RORB: variants seen among roughly 807,000 people sequenced by gnomAD.
RORB encodes nuclear receptor ROR-beta.
In RORB, 6 loss-of-function variants were observed where a neutral mutation model predicts 59.1. That is an observed-to-expected ratio of 0.10 (90% CI 0.06 to 0.20). The LOEUF (loss-of-function observed/expected upper bound fraction) is 0.20, where lower values mean the gene tolerates loss of function less well. Ranked by LOEUF, RORB falls within the 10% of genes least tolerant of loss-of-function variation. RORB has a pLI of 1.00. For missense variants in RORB, 320 were observed against 560.5 expected (o/e 0.57, Z 4.33); for synonymous variants, 215 against 204.5 (o/e 1.05, Z -0.44).
chr9:74,637,276 T>C (rs897035578), intron 3 of RORB, among the ~76,000 whole-genome samples: 2 of 152,220 alleles, frequency 1.3e-5, no homozygotes, highest in African/African-American at 4.8e-5. Context: ...TCATCATACC[T>C]GGCTGCTTAA....
At chr9:74,602,417 T>G (rs1404195366) in intron 1 of RORB, among the ~76,000 whole-genome samples, 1 of 152,228 alleles carries the variant, frequency 6.6e-6, no homozygotes, top group Non-Finnish European at 1.5e-5. Flanking sequence ...TGTTTGGTAC[T>G]AAATGAAAAG....
intron 1 of RORB, among the ~76,000 whole-genome samples, chr9:74,536,804 C>G (rs960880524): frequency 9.2e-5 from 14 of 151,914 alleles, no homozygotes; most frequent in Non-Finnish European, 1.5e-4. Context: ...GCAATAAAGA[C>G]AGTAGTTTGA....
At chr9:74,581,901 G>T (rs936870204) in intron 1 of RORB, among the ~76,000 whole-genome samples, 1 of 152,144 alleles carries the variant, frequency 6.6e-6, no homozygotes, top group Admixed American at 6.5e-5. Flanking sequence ...CTTTATACAT[G>T]TGTAGATGAT....
chr9:74,658,685 G>A (rs978022535), intron 4 of RORB, among the ~76,000 whole-genome samples: 2 of 151,974 alleles, frequency 1.3e-5, no homozygotes, highest in Non-Finnish European at 2.9e-5. Context: ...ATACCTACTG[G>A]AAAGCAAATA....
At chr9:74,603,934 G>A (rs140479786) in intron 1 of RORB, among the ~76,000 whole-genome samples, 3 of 152,298 alleles carry the variant, frequency 2.0e-5, no homozygotes, top group Non-Finnish European at 4.4e-5. Context: ...GAGTGCCATC[G>A]TCCTAACTAT....
At chr9:74,611,771 C>T (rs1587384574) in intron 1 of RORB, among the ~76,000 whole-genome samples, 3 of 152,184 alleles carry the variant, frequency 2.0e-5, no homozygotes, top group Admixed American at 6.5e-5. Context: ...CCTGAGCCTC[C>T]TGAGGAGCTG....
chr9:74,613,780 A>G (rs926318024), intron 1 of RORB, among the ~76,000 whole-genome samples: 2 of 152,166 alleles, frequency 1.3e-5, no homozygotes, highest in Non-Finnish European at 1.5e-5. Flanking sequence ...GCCAGGGAAA[A>G]GTGGAGATGT....
intron 9 of RORB, among the ~76,000 whole-genome samples, chr9:74,684,865 T>C (rs1003524550): frequency 6.6e-6 from 1 of 152,146 alleles, no homozygotes; most frequent in Non-Finnish European, 1.5e-5. Flanking sequence ...CTCATACAGT[T>C]TGGTTGTATA....
chr9:74,568,034 C>T (rs1587362835), intron 1 of RORB, among the ~76,000 whole-genome samples: 1 of 152,142 alleles, frequency 6.6e-6, no homozygotes, highest in Non-Finnish European at 1.5e-5. Context: ...ACAAATTATC[C>T]TGGTTAATAA....
At chr9:74,528,922 T>C (rs1309634246) in intron 1 of RORB, among the ~76,000 whole-genome samples, 1 of 152,040 alleles carries the variant, frequency 6.6e-6, no homozygotes, top group Non-Finnish European at 1.5e-5. Flanking sequence ...TAAGCTTGTG[T>C]ACTCACTCAG....
In RORB at chr9:74,615,593, C is replaced by T. The variant is rs181910446; in HGVS notation, c.8-14689C>T. On this transcript the variant is annotated intron_variant, in intron 1 of 9. Transcript: ENST00000376896. Reference sequence around the variant, plus strand: ...TTTTCAGTTAGACTTTTAATTGCTACGTCAAAATGTGTGAGAACCAGCTCA... The same window carrying T: ...TTTTCAGTTAGACTTTTAATTGCTATGTCAAAATGTGTGAGAACCAGCTCA... 65 of 453,828 alleles carry T rather than the reference C, an allele frequency of 1.4e-4. No homozygotes were observed. The highest frequency in any genetic ancestry group is 3.3e-4 in the Middle Eastern group (1 of 3,060). 28.1% of individuals were successfully genotyped at this position (453,828 alleles called of 1,614,324 possible). A position where few individuals can be genotyped will look rare whatever the true frequency, so the allele number is the denominator to read the frequency against.
At chr9:74,505,861 T>G (rs1000345755) in intron 1 of RORB, among the ~76,000 whole-genome samples, 7 of 151,982 alleles carry the variant, frequency 4.6e-5, no homozygotes, top group Admixed American at 2.6e-4. Flanking sequence ...GTAAAATTGT[T>G]CTCAAGTGAC....
chr9:74,670,999 T>C (rs1824336114), intron 8 of RORB, among the ~76,000 whole-genome samples: 1 of 152,172 alleles, frequency 6.6e-6, no homozygotes, highest in Non-Finnish European at 1.5e-5. Context: ...TTGGGGTGTC[T>C]CTTCCATAAA....
At chr9:74,583,717 T>G (rs1226619631) in intron 1 of RORB, among the ~76,000 whole-genome samples, 3 of 152,174 alleles carry the variant, frequency 2.0e-5, no homozygotes, top group Non-Finnish European at 4.4e-5. Flanking sequence ...AGTGAGGATA[T>G]TGGCATATGG....
At chr9:74,669,136 G>A (rs1213348244) in intron 8 of RORB, among the ~76,000 whole-genome samples, 1 of 152,154 alleles carries the variant, frequency 6.6e-6, no homozygotes, top group Non-Finnish European at 1.5e-5. Flanking sequence ...TCAAGGTGTG[G>A]CAATATTTAT....
At chr9:74,619,152 T>A (rs1306448096) in intron 1 of RORB, among the ~76,000 whole-genome samples, 2 of 152,264 alleles carry the variant, frequency 1.3e-5, no homozygotes, top group South Asian at 2.1e-4. Flanking sequence ...TGTTATTAGA[T>A]TTTCCTTTTT....
intron 1 of RORB, among the ~76,000 whole-genome samples, chr9:74,576,775 C>T (rs1374129941): frequency 1.3e-5 from 2 of 152,104 alleles, no homozygotes; most frequent in Admixed American, 6.6e-5. Context: ...TTTTAAAGAA[C>T]ATTCTTATAT....
chr9:74,524,867 C>T (rs1275324526), intron 1 of RORB, among the ~76,000 whole-genome samples: 1 of 151,656 alleles, frequency 6.6e-6, no homozygotes, highest in African/African-American at 2.4e-5. Flanking sequence ...AAAAATATGT[C>T]TTTGATTCTA....
intron 1 of RORB, among the ~76,000 whole-genome samples, chr9:74,542,984 A>G (rs1826432025): frequency 6.6e-6 from 1 of 152,212 alleles, no homozygotes; most frequent in Non-Finnish European, 1.5e-5. Flanking sequence ...CAGGTTATGA[A>G]AATTAAATGC....
Sources: gnomAD v4.1 joint callset for allele counts (sites outside exome capture counted in the v4.1 genomes callset) on GRCh38, gnomAD v4.1.1 for gene constraint, MANE v1.5 for transcripts, NCBI Gene and HGNC (gene_info 2026-07-23, HGNC 2026-07-21) for gene names.